Variants in FABP7 observed in about 807,000 individuals in gnomAD.
FABP7 encodes fatty acid binding protein 7, also known as fatty acid-binding protein, brain.
FABP7 carries 13 observed loss-of-function variants against 14.2 expected under a neutral mutation model. The observed-to-expected ratio is 0.91, with a 90% CI of 0.59 to 1.45. The LOEUF (loss-of-function observed/expected upper bound fraction) is 1.45. Among genes scored for constraint, FABP7 ranks in the 40% most tolerant of loss-of-function variants. The probability of loss-of-function intolerance (pLI) is 0.00; values close to 1 mark genes in which losing one functional copy is unlikely to be tolerated. For missense variants in FABP7, 149 were observed against 157.6 expected, an observed-to-expected ratio of 0.95 and a Z score of 0.29; for synonymous variants, 49 against 51.4, an observed-to-expected ratio of 0.95 and a Z score of 0.20.
chr6:122,779,794 G>A lies in FABP7; in HGVS notation c.-1G>A. 6.2e-7 allele frequency: 1 copy of A among 1,614,174 alleles called. No individual in the cohort carries two copies. On this transcript the variant is annotated 5_prime_UTR_variant, in exon 1 of 4. Transcript: ENST00000368444. Reference sequence around the variant, plus strand: ...GTCTCTAAAGAGGGGAAAGGGCAAGGATGGTGGAGGCTTTCTGTGCTACCT... The same window carrying A: ...GTCTCTAAAGAGGGGAAAGGGCAAGAATGGTGGAGGCTTTCTGTGCTACCT...
chr6:122,780,792 T>A (rs1439423164), intron 2 of FABP7, among the ~76,000 whole-genome samples: 2 of 152,242 alleles, frequency 1.3e-5, no homozygotes, highest in African/African-American at 4.8e-5. Flanking sequence ...TCAGATTGAC[T>A]AAATAGACAG....
chr6:122,781,745 T>TTTG, intron 3 of FABP7: 1 of 940,726 alleles, frequency 1.1e-6, no homozygotes, highest in Non-Finnish European at 1.3e-6. Flanking sequence ...TAACCCTTTT[T>TTTG]TTTTTTTTTT....
At chr6:122,753,638 A>G in the FABP7 span, among the ~76,000 whole-genome samples, 21 of 152,186 alleles carry the variant, frequency 1.4e-4, no homozygotes, top group Admixed American at 1.4e-3. Context: ...AGAATTGGAT[A>G]AAACGCCCAG....
upstream of FABP7, chr6:122,779,656 A>G: frequency 1.4e-6 from 1 of 718,376 alleles, no homozygotes; most frequent in South Asian, 1.7e-5. Flanking sequence ...TGCAATTTAA[A>G]TCACTGGATT....
the FABP7 span, among the ~76,000 whole-genome samples, chr6:122,755,639 A>G: frequency 6.6e-6 from 1 of 151,170 alleles, no homozygotes; most frequent in Admixed American, 6.6e-5. Context: ...TTTAATTTTT[A>G]GTAGATATGG....
the FABP7 span, among the ~76,000 whole-genome samples, chr6:122,751,191 C>T: frequency 6.6e-6 from 1 of 152,080 alleles, no homozygotes; most frequent in Non-Finnish European, 1.5e-5. Context: ...TATTCTTAAC[C>T]TCTGCATGCC....
the FABP7 span, among the ~76,000 whole-genome samples, chr6:122,754,428 C>T: frequency 1.3e-5 from 2 of 152,210 alleles, no homozygotes; most frequent in Non-Finnish European, 2.9e-5. Flanking sequence ...GAGGCAAGTC[C>T]TCCACTGTGC....
the FABP7 span, among the ~76,000 whole-genome samples, chr6:122,764,644 C>T: frequency 3.3e-5 from 5 of 152,122 alleles, no homozygotes; most frequent in Non-Finnish European, 7.4e-5. Context: ...CATATCTTCC[C>T]TTGATGTTGT....
chr6:122,782,662 T>A (rs964159620), intron 3 of FABP7: 1 of 985,422 alleles, frequency 1.0e-6, no homozygotes. Context: ...GGTGTGAGAA[T>A]GCTTTACATA....
chr6:122,758,443 A>G, the FABP7 span, among the ~76,000 whole-genome samples: 15 of 152,222 alleles, frequency 9.9e-5, no homozygotes, highest in Non-Finnish European at 2.1e-4. Flanking sequence ...GATATAAGAC[A>G]ATGCTAATGC....
In FABP7 at chr6:122,779,882, G is replaced by C; in HGVS notation, c.73+15G>C. On this transcript the variant is annotated intron_variant, in intron 1 of 3. Coordinates refer to ENST00000368444, the MANE Select transcript of FABP7 (RefSeq NM_001446.5). Reference sequence around the variant, plus strand: ...GAAGGCTCTAGGTAGGTAACAATAAGACCGGCTGTTCTCTTCTCAACGTGC... The same window carrying C: ...GAAGGCTCTAGGTAGGTAACAATAACACCGGCTGTTCTCTTCTCAACGTGC... The C allele has an allele frequency of 6.2e-7, 1 of 1,612,180 alleles. No homozygotes were observed. Among genetic ancestry groups the C allele is most frequent in the East Asian group, 2.2e-5 (1 of 44,854 alleles).
upstream of FABP7, among the ~76,000 whole-genome samples, chr6:122,778,187 A>G (rs1220416894): frequency 6.6e-6 from 1 of 152,130 alleles, no homozygotes; most frequent in East Asian, 1.9e-4. Flanking sequence ...TCTGTAAAAC[A>G]TTTTACAGAG....
chr6:122,757,367 T>C, the FABP7 span, among the ~76,000 whole-genome samples: 1 of 152,060 alleles, frequency 6.6e-6, no homozygotes, highest in African/African-American at 2.4e-5. Flanking sequence ...GCACTGGGGC[T>C]GAGTAGGAAT....
At chr6:122,767,888 T>C in the FABP7 span, among the ~76,000 whole-genome samples, 1 of 151,996 alleles carries the variant, frequency 6.6e-6, no homozygotes, top group African/African-American at 2.4e-5. Flanking sequence ...ACATAAAATA[T>C]TAATAAATTT....
intron 2 of FABP7, among the ~76,000 whole-genome samples, chr6:122,780,677 T>C (rs575554160): frequency 6.6e-6 from 1 of 152,336 alleles, no homozygotes; most frequent in Non-Finnish European, 1.5e-5. Flanking sequence ...TATTTGTCTC[T>C]TACCATATAC....
At chr6:122,756,773 C>G in the FABP7 span, among the ~76,000 whole-genome samples, 8 of 152,350 alleles carry the variant, frequency 5.3e-5, no homozygotes, top group South Asian at 1.2e-3. Context: ...TGAAGATCAA[C>G]TCTATCTTTG....
In FABP7 at chr6:122,783,730, G is replaced by A; in HGVS notation, c.362G>A (p.Gly121Asp). ...TGAACCTTGCAGACCCTTACTTTTG[G>A]TGATGTGGTTGCTGTTCGCCACTAT... ...DGKMVMTLTF[G>D]DVVAVRHYEK... is the part of the protein sequence containing the mutation. Residue 121 changes from glycine to aspartate, a missense_variant, in exon 4 of 4, where the codon GGT becomes GAT. Transcript: ENST00000368444. The A allele has an allele frequency of 1.2e-6, 2 of 1,606,164 alleles. No individual in the cohort carries two copies. The highest frequency in any genetic ancestry group is 1.7e-6 in the Non-Finnish European group (2 of 1,177,716).
chr6:122,783,594 G>A lies in FABP7; in HGVS notation c.349-123G>A. The stretch of plus-strand genomic sequence containing the variant: ...TTTCAAGATGTGAAATGCTTATGCA[G>A]CATTTAATGTTTGTAAATGTCATTC... On this transcript the variant is annotated intron_variant, in intron 3 of 3. Transcript: ENST00000368444. 6 of 1,431,364 alleles carry A rather than the reference G, an allele frequency of 4.2e-6. 1 individual carries two copies. Among genetic ancestry groups the A allele is most frequent in the Middle Eastern group, 3.9e-4 (2 of 5,084 alleles). 88.7% of individuals were successfully genotyped at this position (1,431,364 alleles called of 1,614,324 possible). A position where few individuals can be genotyped will look rare whatever the true frequency, so the allele number is the denominator to read the frequency against.
chr6:122,778,193 CAG>C (rs1177417343), upstream of FABP7, among the ~76,000 whole-genome samples: 2 of 152,084 alleles, frequency 1.3e-5, no homozygotes, highest in African/African-American at 4.8e-5. Context: ...AAACATTTTA[CAG>C]AGTTTGGTTT....
Sources: allele counts gnomAD v4.1 joint callset (sites outside exome capture counted in the v4.1 genomes callset), GRCh38; gene constraint gnomAD v4.1.1; transcripts MANE v1.5; gene names NCBI Gene and HGNC (gene_info 2026-07-23, HGNC 2026-07-21).